Variants in NBPF15 observed in about 807,000 individuals in gnomAD.
NBPF15 encodes NBPF member 15.
In NBPF15, 74 loss-of-function variants were observed where a neutral mutation model predicts 62.2. That is an observed-to-expected ratio of 1.19 (90% CI 0.99 to 1.44). The LOEUF (loss-of-function observed/expected upper bound fraction) is 1.44, where lower values mean the gene tolerates loss of function less well. NBPF15 is among the 40% of genes most tolerant of loss of function. The probability of loss-of-function intolerance (pLI) is 0.00; values close to 1 mark genes in which losing one functional copy is unlikely to be tolerated. For missense variants in NBPF15, 790 were observed against 550.0 expected (o/e 1.44, Z -4.36); for synonymous variants, 244 against 209.7 (o/e 1.16, Z -1.41).
At chr1:144,428,361 C>A (rs1299887812) in intron 15 of NBPF15, among the ~76,000 whole-genome samples, 1 of 151,882 alleles carries the variant, frequency 6.6e-6, no homozygotes, top group African/African-American at 2.4e-5. Flanking sequence ...AGTTTCCCTG[C>A]AGTTACCATG....
chr1:144,457,474 C>T (rs1648887511), intron 3 of NBPF15, among the ~76,000 whole-genome samples: 1 of 152,030 alleles, frequency 6.6e-6, no homozygotes. Context: ...TTGACTGTGA[C>T]TCTGCTGTAT....
rs1169025206 is a variant in NBPF15, at chr1:144,427,391, C to T, written c.1214-293G>A. On this transcript the variant is annotated intron_variant, in intron 16 of 21. Transcript: ENST00000581897. ...TTTTCCAATCGATTTAAAGCAAATGCCCCCAAATGGTTGCTAGGAGAAAAA... is the reference window on the plus strand; with the variant it reads ...TTTTCCAATCGATTTAAAGCAAATGTCCCCAAATGGTTGCTAGGAGAAAAA... Among the ~76,000 whole-genome samples the T allele has an allele frequency of 2.2e-5, 3 of 138,956 alleles. 1 individual carries two copies. Among genetic ancestry groups the T allele is most frequent in the Admixed American group, 7.2e-5 (1 of 13,958 alleles). The allele number at this position is 138,956 out of a possible 152,430, so 91.2% of individuals were successfully genotyped here.
intron 13 of NBPF15, among the ~76,000 whole-genome samples, chr1:144,431,355 A>G (rs1489198266): frequency 6.7e-6 from 1 of 149,670 alleles, no homozygotes; most frequent in Non-Finnish European, 1.5e-5. Context: ...AGGGAAGCCC[A>G]TCAGACTAGT....
At chr1:144,440,957 C>A (rs1413529856) in intron 6 of NBPF15, among the ~76,000 whole-genome samples, 3 of 151,756 alleles carry the variant, frequency 2.0e-5, no homozygotes, top group Non-Finnish European at 2.9e-5. Context: ...CATGAGCCAC[C>A]GCACCCGGCC....
intron 6 of NBPF15, among the ~76,000 whole-genome samples, chr1:144,444,703 A>C (rs1347951801): frequency 2.0e-5 from 3 of 151,866 alleles, no homozygotes; most frequent in Non-Finnish European, 4.4e-5. Context: ...AAAACTTTCC[A>C]ATTTTGAGTT....
At chr1:144,452,281 G>C (rs1418979028) in intron 4 of NBPF15, among the ~76,000 whole-genome samples, 7 of 151,802 alleles carry the variant, frequency 4.6e-5, no homozygotes, top group Non-Finnish European at 1.0e-4. Flanking sequence ...GACAAGGTTT[G>C]GTAAAAAATA....
rs782329939 is a variant in NBPF15, at chr1:144,428,024, G to T, written c.1041-34C>A. On this transcript the variant is annotated intron_variant, in intron 15 of 21. Transcript: ENST00000581897. ...GTGGGAAAAAGTAAAGAATAAGCCA[G>T]GGGGAATCAGAAACCACACAGTCCC... The T allele has an allele frequency of 3.9e-6, 3 of 766,546 alleles. No individual in the cohort carries two copies. In the South Asian group the frequency reaches 4.2e-5, roughly 11 times the overall value. The allele number at this position is 766,546 out of a possible 1,614,324, so 47.5% of individuals were successfully genotyped here. A position where few individuals can be genotyped will look rare whatever the true frequency, so the allele number is the denominator to read the frequency against.
At chr1:144,454,854 T>C (rs1693373379) in intron 4 of NBPF15, among the ~76,000 whole-genome samples, 2 of 143,634 alleles carry the variant, frequency 1.4e-5, no homozygotes, top group Admixed American at 1.4e-4. Context: ...GCTGCCCCAG[T>C]GGCACCCACA....
At chr1:144,457,302 G>A (rs1194048209) in intron 3 of NBPF15, among the ~76,000 whole-genome samples, 1 of 151,942 alleles carries the variant, frequency 6.6e-6, no homozygotes, top group Non-Finnish European at 1.5e-5. Flanking sequence ...TGCTTCTTTG[G>A]AATCTCATCT....
Position 144,427,104 on chromosome 1 carries a change from A to T in NBPF15, c.1214-6T>A. On this transcript the variant is annotated splice_region_variant and splice_polypyrimidine_tract_variant and intron_variant, in intron 16 of 21. Coordinates refer to ENST00000581897, the MANE Select transcript of NBPF15 (RefSeq NM_001385408.1). ...TTCTTGGTACTTTTCAATTTCTGCA[A>T]TAAGTTCAGACATGGACAGACATAT... 1.8e-6 allele frequency: 1 copy of T among 568,108 alleles called. No homozygotes were observed. Among genetic ancestry groups the T allele is most frequent in the Non-Finnish European group, 3.1e-6 (1 of 326,436 alleles). 35.2% of individuals were successfully genotyped at this position (568,108 alleles called of 1,614,324 possible). A position where few individuals can be genotyped will look rare whatever the true frequency, so the allele number is the denominator to read the frequency against.
At chr1:144,447,838 G>A (rs1267054462) in intron 6 of NBPF15, among the ~76,000 whole-genome samples, 2 of 152,026 alleles carry the variant, frequency 1.3e-5, no homozygotes, top group East Asian at 1.9e-4. Context: ...ATGGCATTGG[G>A]GCTGGTACAG....
chr1:144,422,975 C>G lies in NBPF15; in HGVS notation c.*38G>C. ...AATCTTCTCGTGCCTATAGGTCCTGCCTGCAGGAATGACATCTCTCGGCTT... is the reference window on the plus strand; with the variant it reads ...AATCTTCTCGTGCCTATAGGTCCTGGCTGCAGGAATGACATCTCTCGGCTT... On this transcript the variant is annotated 3_prime_UTR_variant, in exon 22 of 22. Coordinates refer to ENST00000581897, the MANE Select transcript of NBPF15 (RefSeq NM_001385408.1). The G allele has an allele frequency of 6.2e-7, 1 of 1,611,584 alleles. No homozygotes were observed. The highest frequency in any genetic ancestry group is 8.5e-7 in the Non-Finnish European group (1 of 1,179,622).
At chr1:144,428,546 T>C (rs1448586013) in intron 15 of NBPF15, 60 bp downstream of exon 15, 1 of 664,538 alleles carries the variant, frequency 1.5e-6, no homozygotes, top group African/African-American at 1.8e-5. Flanking sequence ...CTGTTTTCCC[T>C]GGACTTGGCA....
chr1:144,432,165 A>C (rs1674848385), intron 13 of NBPF15, among the ~76,000 whole-genome samples: 2 of 152,054 alleles, frequency 1.3e-5, no homozygotes, highest in African/African-American at 4.8e-5. Flanking sequence ...CAACCTTCTT[A>C]AAGAAAAGAA....
rs1401151857 is a variant in NBPF15 at position 144,439,779 on chromosome 1, AGACAG to A, written c.175+45_175+49del. On this transcript the variant is annotated intron_variant, in intron 8 of 21. Transcript: ENST00000581897. ...GAGAGCATTTAGTGTCTCAGAGAGA[AGACAG>A]GACATCATTCATCACTTTCATGACG... The A allele has an allele frequency of 2.8e-6, 4 of 1,423,630 alleles. 1 individual carries two copies. Among genetic ancestry groups the A allele is most frequent in the Non-Finnish European group, 3.9e-6 (4 of 1,017,088 alleles). 88.2% of individuals were successfully genotyped at this position (1,423,630 alleles called of 1,614,324 possible). A position where few individuals can be genotyped will look rare whatever the true frequency, so the allele number is the denominator to read the frequency against.
intron 5 of NBPF15, among the ~76,000 whole-genome samples, chr1:144,449,590 G>A (rs1475076882): frequency 9.9e-5 from 15 of 151,980 alleles, no homozygotes; most frequent in Admixed American, 2.0e-4. Flanking sequence ...AGAGTGTGAG[G>A]AAAATGATAA....
At chr1:144,432,120 G>A (rs1418163388) in intron 13 of NBPF15, among the ~76,000 whole-genome samples, 1 of 152,062 alleles carries the variant, frequency 6.6e-6, no homozygotes, top group Non-Finnish European at 1.5e-5. Context: ...CAGTGTAAAA[G>A]TGTTCCTATT....
chr1:144,443,222 T>C (rs879221653), intron 6 of NBPF15, among the ~76,000 whole-genome samples: 3 of 152,102 alleles, frequency 2.0e-5, no homozygotes, highest in South Asian at 2.1e-4. Flanking sequence ...TGATGGATTT[T>C]TTATGAATAA....
Position 144,423,259 on chromosome 1 carries a change from G to T in NBPF15, c.1770-3C>A. On this transcript the variant is annotated splice_region_variant and splice_polypyrimidine_tract_variant and intron_variant, in intron 21 of 21. Transcript: ENST00000581897. ...CTTCCATCAGCACGCCGTAGAGCCT[G>T]GAAAAGGAGACAAAACTAAAGAAGC... is the stretch of plus-strand genomic sequence containing the variant. The T allele has an allele frequency of 1.2e-6, 2 of 1,611,352 alleles. No homozygotes were observed. Among genetic ancestry groups the T allele is most frequent in the Non-Finnish European group, 1.7e-6 (2 of 1,179,576 alleles).
Sources: gnomAD v4.1 joint callset for allele counts (sites outside exome capture counted in the v4.1 genomes callset) on GRCh38, gnomAD v4.1.1 for gene constraint, MANE v1.5 for transcripts, NCBI Gene and HGNC (gene_info 2026-07-23, HGNC 2026-07-21) for gene names.